The following GPC6 variants were observed in gnomAD, a reference collection of about 807,000 sequenced individuals.
GPC6 encodes glypican 6.
A neutral mutation model predicts 55.2 loss-of-function variants in GPC6; 14 were observed. The observed-to-expected ratio is 0.25, with a 90% CI of 0.17 to 0.40. The LOEUF is 0.40. Among genes scored for constraint, GPC6 ranks in the 10% least tolerant of loss-of-function variants. GPC6 has a pLI of 1.00. For synonymous variants in GPC6, 278 were observed against 259.6 expected, an observed-to-expected ratio of 1.07 and a Z score of -0.68; for missense variants, 641 against 708.5, an observed-to-expected ratio of 0.90 and a Z score of 1.08.
intron 1 of GPC6, among the ~76,000 whole-genome samples, chr13:93,288,084 C>T (rs888608498): frequency 3.3e-5 from 5 of 152,118 alleles, no homozygotes; most frequent in African/African-American, 1.2e-4. Context: ...CTAGAGTGAG[C>T]TGTTTAGTTT....
chr13:93,236,220 C>CT (rs769510131), intron 1 of GPC6, among the ~76,000 whole-genome samples: 28 of 152,052 alleles, frequency 1.8e-4, no homozygotes, highest in East Asian at 5.8e-4. Context: ...CTTCATTATC[C>CT]TTTTTTTTGT....
intron 1 of GPC6, among the ~76,000 whole-genome samples, chr13:93,279,948 A>G (rs181000580): frequency 1.3e-5 from 2 of 152,324 alleles, no homozygotes; most frequent in African/African-American, 4.8e-5. Context: ...AAACACACCC[A>G]AACTGGTTAA....
At chr13:93,788,265 C>T (rs940409545) in intron 2 of GPC6, among the ~76,000 whole-genome samples, 10 of 152,036 alleles carry the variant, frequency 6.6e-5, no homozygotes, top group Admixed American at 2.0e-4. Context: ...AATGCTATGT[C>T]CTTACACAGC....
At chr13:94,040,249 A>G (rs1256211813) in intron 4 of GPC6, among the ~76,000 whole-genome samples, 1 of 151,854 alleles carries the variant, frequency 6.6e-6, no homozygotes, top group Non-Finnish European at 1.5e-5. Context: ...TGGCAAGAAT[A>G]TCACAAAGCA....
chr13:94,117,525 C>T (rs1184491926), intron 4 of GPC6, among the ~76,000 whole-genome samples: 1 of 152,076 alleles, frequency 6.6e-6, no homozygotes, highest in African/African-American at 2.4e-5. Context: ...CATAAAGAAT[C>T]ATGGGAAGAG....
intron 1 of GPC6, among the ~76,000 whole-genome samples, chr13:93,476,872 A>G (rs1389596095): frequency 1.3e-5 from 2 of 152,196 alleles, no homozygotes; most frequent in African/African-American, 4.8e-5. Context: ...ACTATGAAAC[A>G]TGATTATTTT....
chr13:93,328,472 G>A (rs751725644), intron 1 of GPC6, among the ~76,000 whole-genome samples: 1 of 151,814 alleles, frequency 6.6e-6, no homozygotes, highest in East Asian at 1.9e-4. Context: ...CCAGGAGTTC[G>A]AGACCAGCCT....
intron 4 of GPC6, among the ~76,000 whole-genome samples, chr13:94,085,102 T>C (rs921720718): frequency 6.6e-6 from 1 of 151,934 alleles, no homozygotes; most frequent in Admixed American, 6.6e-5. Context: ...GGCAGGCAGA[T>C]CACAAGGTCA....
intron 3 of GPC6, among the ~76,000 whole-genome samples, chr13:93,993,357 A>C (rs945675243): frequency 6.0e-5 from 9 of 149,790 alleles, no homozygotes; most frequent in Non-Finnish European, 1.3e-4. Context: ...GCGGTGGCAC[A>C]GTCTCAGCTC....
intron 1 of GPC6, among the ~76,000 whole-genome samples, chr13:93,538,735 T>A (rs914453467): frequency 2.0e-5 from 3 of 152,208 alleles, no homozygotes; most frequent in African/African-American, 7.2e-5. Context: ...ACCTACTCTC[T>A]GGGTGATATT....
At chr13:93,562,959 C>G (rs1458634633) in intron 2 of GPC6, among the ~76,000 whole-genome samples, 2 of 152,144 alleles carry the variant, frequency 1.3e-5, no homozygotes, top group African/African-American at 2.4e-5. Context: ...TTACCAAACC[C>G]TACTTTCTCC....
intron 1 of GPC6, among the ~76,000 whole-genome samples, chr13:93,533,680 G>A (rs545723749): frequency 5.3e-5 from 8 of 151,932 alleles, no homozygotes; most frequent in Non-Finnish European, 1.2e-4. Flanking sequence ...TGGGGTGTAG[G>A]ACACGGGGTA....
chr13:93,366,479 A>C (rs552498819), intron 1 of GPC6, among the ~76,000 whole-genome samples: 16 of 152,228 alleles, frequency 1.1e-4, no homozygotes, highest in Non-Finnish European at 2.2e-4. Context: ...GCTTCATTGC[A>C]GCTCAATTTC....
At position 93,410,622 on chromosome 13, in the gene GPC6, G is replaced by A. The variant is rs918181402; in HGVS notation, c.161-134641G>A. On this transcript the variant is annotated intron_variant, in intron 1 of 8. Coordinates refer to ENST00000377047, the MANE Select transcript of GPC6 (RefSeq NM_005708.5). Reference sequence around the variant, plus strand: ...TTACGACAAGTCAATTTTCTTTTTCGTTTCTAAGACTACTATATAATAAAT... The same window carrying A: ...TTACGACAAGTCAATTTTCTTTTTCATTTCTAAGACTACTATATAATAAAT... 3.3e-5 allele frequency among the ~76,000 whole-genome samples: 5 copies of A among 151,900 alleles called. No individual in the cohort carries two copies. In the South Asian group the frequency reaches 6.2e-4, roughly 19 times the overall value.
chr13:94,148,331 A>T (rs1050408081), intron 4 of GPC6, among the ~76,000 whole-genome samples: 1 of 152,200 alleles, frequency 6.6e-6, no homozygotes, highest in Admixed American at 6.6e-5. Context: ...GGCTGTCAGC[A>T]CATATTACCA....
intron 7 of GPC6, among the ~76,000 whole-genome samples, chr13:94,386,473 T>C (rs1024918434): frequency 3.3e-5 from 5 of 150,044 alleles, no homozygotes; most frequent in South Asian, 2.1e-4. Flanking sequence ...GCCTATAATC[T>C]TAACTACTCA....
intron 1 of GPC6, among the ~76,000 whole-genome samples, chr13:93,301,153 T>C (rs993157416): frequency 1.3e-5 from 2 of 152,230 alleles, no homozygotes; most frequent in East Asian, 1.9e-4. Context: ...ATAAACATGT[T>C]TGAGAACCTA....
intron 6 of GPC6, among the ~76,000 whole-genome samples, chr13:94,338,966 A>C (rs1287849147): frequency 2.0e-5 from 3 of 152,156 alleles, no homozygotes; most frequent in African/African-American, 7.2e-5. Context: ...GGAATGAGGC[A>C]TTGTGCTCTA....
chr13:94,306,316 TC>T, intron 6 of GPC6, 193 bp downstream of exon 6: 8 of 693,206 alleles, frequency 1.2e-5, no homozygotes, highest in South Asian at 3.1e-5. Flanking sequence ...ATTTAAGAAA[TC>T]TATTAATCCA....
Sources: allele counts gnomAD v4.1 joint callset (sites outside exome capture counted in the v4.1 genomes callset), GRCh38; gene constraint gnomAD v4.1.1; transcripts MANE v1.5; gene names NCBI Gene and HGNC (gene_info 2026-07-23, HGNC 2026-07-21).